GHR: variants seen among roughly 807,000 people sequenced by gnomAD.
GHR encodes the protein growth hormone receptor, also known as GH receptor.
A neutral mutation model predicts 67.1 loss-of-function variants in GHR; 35 were observed. The observed-to-expected ratio is 0.52, with a 90% CI of 0.40 to 0.69. The LOEUF is 0.69. GHR is among the 30% of genes least tolerant of loss of function. The probability of loss-of-function intolerance (pLI) is 0.00; values close to 1 mark genes in which losing one functional copy is unlikely to be tolerated. For synonymous variants in GHR, 272 were observed against 269.1 expected, an observed-to-expected ratio of 1.01 and a Z score of -0.10; for missense variants, 792 against 764.6, an observed-to-expected ratio of 1.04 and a Z score of -0.42.
intron 1 of GHR, among the ~76,000 whole-genome samples, chr5:42,521,025 C>T (rs570646717): frequency 2.2e-4 from 34 of 152,280 alleles, no homozygotes; most frequent in African/African-American, 7.9e-4. Context: ...TTTTCTTTCA[C>T]TAGATGCCAG....
At chr5:42,643,450 T>C (rs1234707430) in intron 3 of GHR, among the ~76,000 whole-genome samples, 1 of 152,196 alleles carries the variant, frequency 6.6e-6, no homozygotes, top group Non-Finnish European at 1.5e-5. Context: ...CTGGTGATCA[T>C]GGCACTTCCA....
chr5:42,666,937 G>A (rs1283634482), intron 3 of GHR, among the ~76,000 whole-genome samples: 1 of 152,168 alleles, frequency 6.6e-6, no homozygotes, highest in Non-Finnish European at 1.5e-5. Context: ...TTAATGATGT[G>A]CTCTGGTGAA....
chr5:42,499,161 G>A (rs184792629), intron 1 of GHR, among the ~76,000 whole-genome samples: 193 of 152,212 alleles, frequency 1.3e-3, no homozygotes, highest in African/African-American at 4.3e-3. Context: ...TAGCTATGTC[G>A]AGGCAGCAGG....
chr5:42,587,706 G>T (rs1751556216), intron 2 of GHR, among the ~76,000 whole-genome samples: 1 of 150,882 alleles, frequency 6.6e-6, no homozygotes, highest in Non-Finnish European at 1.5e-5. Context: ...ACAGAGACTT[G>T]ACTTATTCCT....
At chr5:42,664,677 G>A (rs1189451409) in intron 3 of GHR, among the ~76,000 whole-genome samples, 1 of 152,144 alleles carries the variant, frequency 6.6e-6, no homozygotes, top group African/African-American at 2.4e-5. Context: ...TCAGGACATA[G>A]GCATGGGCAA....
At chr5:42,617,778 G>A (rs955713878) in intron 2 of GHR, among the ~76,000 whole-genome samples, 1 of 152,126 alleles carries the variant, frequency 6.6e-6, no homozygotes, top group Non-Finnish European at 1.5e-5. Context: ...CCGTGTATGG[G>A]TTATCAATGA....
At chr5:42,528,348 T>C (rs1036080833) in intron 1 of GHR, among the ~76,000 whole-genome samples, 6 of 152,182 alleles carry the variant, frequency 3.9e-5, no homozygotes, top group African/African-American at 1.4e-4. Context: ...TAGAAGAAGT[T>C]GATTCCAATT....
chr5:42,587,674 T>G (rs962263510), intron 2 of GHR, among the ~76,000 whole-genome samples: 1 of 151,300 alleles, frequency 6.6e-6, no homozygotes, highest in African/African-American at 2.4e-5. Flanking sequence ...TTTTTTTTGT[T>G]TTTTTTTTGT....
intron 2 of GHR, among the ~76,000 whole-genome samples, chr5:42,605,989 T>A (rs1049988115): frequency 1.1e-4 from 17 of 152,228 alleles, no homozygotes; most frequent in Admixed American, 3.3e-4. Context: ...GGGAACTAGC[T>A]GCTGGTAGTG....
intron 2 of GHR, among the ~76,000 whole-genome samples, chr5:42,574,219 A>G (rs1197283172): frequency 6.6e-6 from 1 of 152,244 alleles, no homozygotes; most frequent in African/African-American, 2.4e-5. Context: ...GGAGAAAGAC[A>G]GTCAGTTGAA....
intron 1 of GHR, among the ~76,000 whole-genome samples, chr5:42,453,140 G>C (rs1232550625): frequency 6.6e-6 from 1 of 151,798 alleles, no homozygotes; most frequent in Admixed American, 6.6e-5. Context: ...GCTTGTAGGG[G>C]TGAAGACTCT....
chr5:42,718,635 C>A lies in GHR; in HGVS notation c.1128C>A (p.Asn376Lys). The change falls in exon 10 of 10, where the codon AAC (asparagine) becomes AAA (lysine). Residue 376 changes from asparagine to lysine, a missense_variant. Coordinates refer to ENST00000230882, the MANE Select transcript of GHR (RefSeq NM_000163.5). ...LSSDHEKSHS[N>K]LGVKDGDSGR... ...GTGACCATGAGAAATCACATAGTAA[C>A]CTAGGGGTGAAGGATGGCGACTCTG... 1 of 1,614,006 alleles carries A rather than the reference C, an allele frequency of 6.2e-7. No homozygotes were observed. Among genetic ancestry groups the A allele is most frequent in the Non-Finnish European group, 8.5e-7 (1 of 1,179,964 alleles).
chr5:42,538,054 G>A (rs1748339638), intron 1 of GHR, among the ~76,000 whole-genome samples: 1 of 152,130 alleles, frequency 6.6e-6, no homozygotes, highest in African/African-American at 2.4e-5. Flanking sequence ...GAGTTCTTAT[G>A]TGTTAGGTGA....
chr5:42,696,277 T>C (rs1408421263), intron 5 of GHR, among the ~76,000 whole-genome samples: 7 of 152,206 alleles, frequency 4.6e-5, no homozygotes, highest in Admixed American at 1.3e-4. Flanking sequence ...AAGTCAGGCA[T>C]GTTCACAAAT....
At chr5:42,646,912 A>G (rs1022409732) in intron 3 of GHR, among the ~76,000 whole-genome samples, 4 of 152,122 alleles carry the variant, frequency 2.6e-5, no homozygotes, top group Non-Finnish European at 5.9e-5. Flanking sequence ...TGGGATTTTG[A>G]GATCTTATTT....
intron 1 of GHR, among the ~76,000 whole-genome samples, chr5:42,532,646 T>C (rs1748026249): frequency 6.6e-6 from 1 of 152,304 alleles, no homozygotes; most frequent in South Asian, 2.1e-4. Flanking sequence ...ATATGAAGCA[T>C]GCTTGTTACA....
chr5:42,526,528 C>A (rs538510399), intron 1 of GHR, among the ~76,000 whole-genome samples: 3 of 152,252 alleles, frequency 2.0e-5, no homozygotes, highest in African/African-American at 7.2e-5. Context: ...ATAAAATAGC[C>A]TTCTATTGGA....
At chr5:42,479,252 A>G (rs551986470) in intron 1 of GHR, among the ~76,000 whole-genome samples, 24 of 152,288 alleles carry the variant, frequency 1.6e-4, no homozygotes, top group African/African-American at 5.3e-4. Context: ...ATCATGGTGG[A>G]TAAGCTTTTT....
chr5:42,567,441 T>C (rs537211445), intron 2 of GHR, among the ~76,000 whole-genome samples: 115 of 152,340 alleles, frequency 7.5e-4, no homozygotes, highest in Non-Finnish European at 1.4e-3. Context: ...TTTTAATGTT[T>C]GCTTTTTGTT....
Sources: gnomAD v4.1 joint callset for allele counts (sites outside exome capture counted in the v4.1 genomes callset) on GRCh38, gnomAD v4.1.1 for gene constraint, MANE v1.5 for transcripts, NCBI Gene and HGNC (gene_info 2026-07-23, HGNC 2026-07-21) for gene names.